Variants in CA10 observed in about 807,000 individuals in gnomAD.
CA10 encodes the protein carbonic anhydrase 10 (inactive).
A neutral mutation model predicts 44.2 loss-of-function variants in CA10; 14 were observed. That is an observed-to-expected ratio of 0.32 (90% CI 0.21 to 0.50). The LOEUF is 0.50. Among genes scored for constraint, CA10 ranks in the 20% least tolerant of loss-of-function variants. The probability of loss-of-function intolerance (pLI) is 0.99; values close to 1 mark genes in which losing one functional copy is unlikely to be tolerated. For synonymous variants in CA10, 159 were observed against 141.6 expected, an observed-to-expected ratio of 1.12 and a Z score of -0.87; for missense variants, 350 against 409.7, an observed-to-expected ratio of 0.85 and a Z score of 1.26.
At chr17:51,725,246 T>C (rs558025875) in intron 4 of CA10, among the ~76,000 whole-genome samples, 6 of 152,336 alleles carry the variant, frequency 3.9e-5, no homozygotes, top group Admixed American at 3.9e-4. Context: ...GATTGATGAG[T>C]GGGCCGGAGC....
chr17:52,089,418 A>G (rs1289217900), intron 1 of CA10, among the ~76,000 whole-genome samples: 1 of 152,136 alleles, frequency 6.6e-6, no homozygotes, highest in East Asian at 1.9e-4. Context: ...AAAATAGCTA[A>G]CATTTAAATA....
intron 6 of CA10, 91 bp downstream of exon 6, chr17:51,649,091 C>A (rs1485488048): frequency 9.5e-6 from 8 of 839,304 alleles, no homozygotes; most frequent in African/African-American, 8.4e-5. Flanking sequence ...CTGAAAAGGG[C>A]CCATGGAGAT....
intron 4 of CA10, among the ~76,000 whole-genome samples, chr17:51,676,833 A>G (rs1914639567): frequency 6.6e-6 from 1 of 152,116 alleles, no homozygotes. Flanking sequence ...TTGTCACAGT[A>G]GAAATAACCC....
At chr17:51,899,579 C>T (rs545440952) in intron 3 of CA10, among the ~76,000 whole-genome samples, 26 of 152,050 alleles carry the variant, frequency 1.7e-4, no homozygotes, top group Non-Finnish European at 3.4e-4. Flanking sequence ...GGTCAAGTGT[C>T]TAGCTCAGGT....
chr17:52,070,206 G>A (rs1005234446), intron 2 of CA10, among the ~76,000 whole-genome samples: 3 of 152,176 alleles, frequency 2.0e-5, no homozygotes, highest in African/African-American at 4.8e-5. Flanking sequence ...TTCAGAGGAT[G>A]AGGAAGTCAT....
intron 4 of CA10, among the ~76,000 whole-genome samples, chr17:51,655,758 A>C (rs1913769907): frequency 6.6e-6 from 1 of 152,254 alleles, no homozygotes; most frequent in African/African-American, 2.4e-5. Context: ...GAATCTGAGA[A>C]TATCCTGAGC....
intron 3 of CA10, among the ~76,000 whole-genome samples, chr17:51,863,013 T>C (rs2143844704): frequency 6.6e-6 from 1 of 152,268 alleles, no homozygotes; most frequent in South Asian, 2.1e-4. Context: ...TAAACCAAAG[T>C]GTGAAGCAAA....
intron 8 of CA10, among the ~76,000 whole-genome samples, chr17:51,632,915 T>C (rs1447979173): frequency 1.3e-5 from 2 of 152,196 alleles, no homozygotes; most frequent in Non-Finnish European, 2.9e-5. Flanking sequence ...TCTAGGGACA[T>C]AGCACTGGGC....
intron 1 of CA10, among the ~76,000 whole-genome samples, chr17:52,147,946 G>A (rs1989624792): frequency 6.6e-6 from 1 of 152,068 alleles, no homozygotes; most frequent in South Asian, 2.1e-4. Flanking sequence ...CCTCACAGTT[G>A]TAAAGATTAA....
At chr17:51,747,219 A>AT (rs879589975) in intron 4 of CA10, among the ~76,000 whole-genome samples, 80 of 152,378 alleles carry the variant, frequency 5.3e-4, no homozygotes, top group Middle Eastern at 6.8e-3. Context: ...TTTTATGCAA[A>AT]TATGACTCAT....
intron 3 of CA10, among the ~76,000 whole-genome samples, chr17:51,888,377 C>T (rs905534206): frequency 6.6e-6 from 1 of 152,072 alleles, no homozygotes; most frequent in African/African-American, 2.4e-5. Flanking sequence ...AGCGGTACAC[C>T]ATGCCATTGT....
intron 3 of CA10, among the ~76,000 whole-genome samples, chr17:51,876,500 C>T (rs1980088412): frequency 1.3e-5 from 2 of 151,830 alleles, no homozygotes; most frequent in African/African-American, 2.4e-5. Context: ...TTCTTTAGTG[C>T]AAAATGTCTC....
chr17:51,715,279 A>T (rs1466967413), intron 4 of CA10, among the ~76,000 whole-genome samples: 1 of 152,092 alleles, frequency 6.6e-6, no homozygotes, highest in African/African-American at 2.4e-5. Flanking sequence ...TGACGAGTTA[A>T]TGGGTGCAGC....
At chr17:51,744,094 C>T (rs1283658700) in intron 4 of CA10, among the ~76,000 whole-genome samples, 1 of 151,994 alleles carries the variant, frequency 6.6e-6, no homozygotes, top group African/African-American at 2.4e-5. Flanking sequence ...CCGAGGTGGG[C>T]AGATCACTTG....
chr17:51,787,634 G>A (rs143930692), intron 3 of CA10, among the ~76,000 whole-genome samples: 244 of 152,092 alleles, frequency 1.6e-3, no homozygotes, highest in African/African-American at 5.7e-3. Flanking sequence ...TGGACTACAG[G>A]TGCACACCAC....
At chr17:52,062,231 C>T (rs542276470) in intron 2 of CA10, among the ~76,000 whole-genome samples, 3 of 152,052 alleles carry the variant, frequency 2.0e-5, no homozygotes, top group South Asian at 4.2e-4. Context: ...CCATCCCTGG[C>T]TAAGGTGTGG....
chr17:51,658,437 T>G (rs890437813), intron 4 of CA10, among the ~76,000 whole-genome samples: 1 of 151,982 alleles, frequency 6.6e-6, no homozygotes, highest in Admixed American at 6.6e-5. Context: ...GATGCAGAAG[T>G]GGGGGCAACA....
At chr17:51,753,195 G>A (rs1904953237) in intron 3 of CA10, among the ~76,000 whole-genome samples, 1 of 152,164 alleles carries the variant, frequency 6.6e-6, no homozygotes, top group African/African-American at 2.4e-5. Context: ...CGTATATTGA[G>A]GGAAGCAGGT....
intron 1 of CA10, among the ~76,000 whole-genome samples, chr17:52,093,717 C>T (rs1445913502): frequency 6.7e-6 from 1 of 149,542 alleles, no homozygotes; most frequent in East Asian, 1.9e-4. Context: ...GAGACCAGTG[C>T]TCCTAAGTAT....
Sources: allele counts gnomAD v4.1 joint callset (sites outside exome capture counted in the v4.1 genomes callset), GRCh38; gene constraint gnomAD v4.1.1; transcripts MANE v1.5; gene names NCBI Gene and HGNC (gene_info 2026-07-23, HGNC 2026-07-21).